The following ECPAS variants were observed in gnomAD, a reference collection of about 807,000 sequenced individuals.
ECPAS encodes Ecm29 proteasome adaptor and scaffold.
ECPAS carries 70 observed loss-of-function variants against 255.1 expected under a neutral mutation model. That is an observed-to-expected ratio of 0.27 (90% CI 0.23 to 0.33). The LOEUF is 0.33. Among genes scored for constraint, ECPAS ranks in the 10% least tolerant of loss-of-function variants. ECPAS has a pLI of 1.00. For synonymous variants in ECPAS, 784 were observed against 775.0 expected, an observed-to-expected ratio of 1.01 and a Z score of -0.19; for missense variants, 1,817 against 2,206.4, an observed-to-expected ratio of 0.82 and a Z score of 3.54.
At chr9:111,438,519 G>A (rs1273570081) in intron 6 of ECPAS, among the ~76,000 whole-genome samples, 1 of 152,096 alleles carries the variant, frequency 6.6e-6, no homozygotes, top group African/African-American at 2.4e-5. Flanking sequence ...GAGGTGAGAG[G>A]ACTGCTTGAA....
rs753254455 is a variant in ECPAS at position 111,410,127 on chromosome 9, T to C, written c.2464A>G (p.Ile822Val). ...GTAAAGCCAGATCCCTCACTGGGGA[T>C]TGGAAGTGGACCATTTCTGCCAATT... is the stretch of plus-strand genomic sequence containing the variant. ...GEIGRNGPLP[I>V]PSEGSGFTKL... Residue 822 changes from isoleucine (I) to valine (V), a missense_variant, in exon 23 of 50, where the codon ATC (isoleucine) becomes GTC (valine). By Grantham distance (29) the Ile-to-Val change is conservative. Around this residue, in one of 4 missense-constraint regions of ECPAS, gnomAD observed 194 missense variants for 152.8 expected, o/e 1.27. Coordinates refer to ENST00000684092, the MANE Select transcript of ECPAS (RefSeq NM_001364929.1). 3.1e-6 allele frequency: 5 copies of C among 1,610,892 alleles called. No homozygotes were observed. The highest frequency in any genetic ancestry group is 2.2e-5 in the South Asian group (2 of 90,088).
chr9:111,398,936 C>CA (rs967283558), intron 24 of ECPAS, among the ~76,000 whole-genome samples: 167 of 137,470 alleles, frequency 1.2e-3, no homozygotes, highest in Middle Eastern at 3.8e-3. Context: ...GACTCCGTCT[C>CA]AAAAAAAAAA....
chr9:111,375,179 T>C lies in ECPAS; in HGVS notation c.4044A>G (p.Ser1348=). 6.2e-7 allele frequency: 1 copy of C among 1,613,696 alleles called. No homozygotes were observed. Among genetic ancestry groups the C allele is most frequent in the Non-Finnish European group, 8.5e-7 (1 of 1,179,692 alleles). Residue 1348 remains serine, a synonymous_variant, in exon 38 of 50, where the codon TCA becomes TCG. Transcript: ENST00000684092. ...ACCTAGGAACTAGCTCGCCCAGCAC[T>C]GACACATCAAGGTATTGCAGGCACT... ...INMCLQYLDV[S]VLGELVPRLC...
chr9:111,386,887 G>A (rs942246553), intron 31 of ECPAS, among the ~76,000 whole-genome samples: 1 of 152,172 alleles, frequency 6.6e-6, no homozygotes, highest in African/African-American at 2.4e-5. Context: ...TCCTTTCCCA[G>A]AGAAGATTAG....
Position 111,406,458 on chromosome 9 carries a change from T to C in ECPAS, c.2652+2113A>G, listed in dbSNP as rs1006172582. ...GTTTGGCAGCACAACAGGGCAACAA[T>C]AGTTAATAAGAATTTATTGTATATT... On this transcript the variant is annotated intron_variant, in intron 24 of 49. Transcript: ENST00000684092. Among the ~76,000 whole-genome samples the C allele has an allele frequency of 3.3e-5, 5 of 149,784 alleles. 1 individual carries two copies. Among genetic ancestry groups the C allele is most frequent in the Middle Eastern group, 3.2e-3 (1 of 316 alleles).
intron 37 of ECPAS, 37 bp from the exon 38 acceptor site, chr9:111,375,239 C>A: frequency 1.3e-6 from 2 of 1,518,324 alleles, no homozygotes; most frequent in Non-Finnish European, 1.8e-6. Context: ...TAAGCCTTGG[C>A]AAATAAGTCA....
At chr9:111,390,870 C>T (rs1345983447) in intron 29 of ECPAS, among the ~76,000 whole-genome samples, 1 of 152,152 alleles carries the variant, frequency 6.6e-6, no homozygotes, top group African/African-American at 2.4e-5. Flanking sequence ...AGAATTACAC[C>T]CACCCAAAAC....
In ECPAS at chr9:111,422,168, G is replaced by A. The variant is rs775656488; in HGVS notation, c.1298C>T (p.Ala433Val). ...GGCTTCAAAAAGCTGCTGCACAAGC[G>A]CTATATCCTTAGTGAATAAATGTGG... ...RMPHLFTKDI[A>V]LVQQLFEALC... The change falls in exon 14 of 50, where the codon GCG (alanine) becomes GTG (valine). Residue 433 changes from alanine (A) to valine (V), a missense_variant. Coordinates refer to ENST00000684092, the MANE Select transcript of ECPAS (RefSeq NM_001364929.1). 127 of 1,613,618 alleles carry A rather than the reference G, an allele frequency of 7.9e-5. No individual in the cohort carries two copies. The highest frequency in any genetic ancestry group is 1.0e-4 in the Non-Finnish European group (121 of 1,179,756).
chr9:111,472,876 T>A, intron 2 of ECPAS, 21 bp downstream of exon 2: 1 of 986,746 alleles, frequency 1.0e-6, no homozygotes, highest in African/African-American at 1.7e-5. Context: ...GCACACATCC[T>A]AAGGAACTAA....
intron 28 of ECPAS, among the ~76,000 whole-genome samples, chr9:111,392,112 C>T (rs539027056): frequency 7.9e-5 from 12 of 152,154 alleles, no homozygotes; most frequent in African/African-American, 2.6e-4. Context: ...TGGTGGCACG[C>T]GCCTGTAGTC....
At chr9:111,402,420 AATACTCTAATACTTTATAGAGTATTC>A (rs1429440837) in intron 24 of ECPAS, among the ~76,000 whole-genome samples, 1 of 152,228 alleles carries the variant, frequency 6.6e-6, no homozygotes, top group African/African-American at 2.4e-5. Flanking sequence ...ACAAATTCAA[AATACTCTAATACTTTATAGAGTATTC>A]TAAAGATACT....
At chr9:111,467,256 AAG>A (rs2098280766) in intron 2 of ECPAS, among the ~76,000 whole-genome samples, 1 of 152,160 alleles carries the variant, frequency 6.6e-6, no homozygotes, top group Non-Finnish European at 1.5e-5. Flanking sequence ...AAGAGAAGAG[AAG>A]AGAGAAGAGA....
At position 111,433,462 on chromosome 9, in the gene ECPAS, A is replaced by G. The variant is rs141796138; in HGVS notation, c.709-90T>C. 1.6e-5 allele frequency: 22 copies of G among 1,394,740 alleles called. No homozygotes were observed. The East Asian group carries it at 4.8e-4, about 31-fold the overall frequency. 86.4% of individuals were successfully genotyped at this position (1,394,740 alleles called of 1,614,324 possible). A position where few individuals can be genotyped will look rare whatever the true frequency, so the allele number is the denominator to read the frequency against. On this transcript the variant is annotated intron_variant, in intron 7 of 49. Coordinates refer to ENST00000684092, the MANE Select transcript of ECPAS (RefSeq NM_001364929.1). ...CTGCTTAACATATCAGTGTGGTCAC[A>G]AGCCAAAGATGAGCAGTAACAACAG...
intron 24 of ECPAS, among the ~76,000 whole-genome samples, chr9:111,408,038 C>T (rs190519398): frequency 3.1e-4 from 47 of 152,326 alleles, no homozygotes; most frequent in African/African-American, 1.1e-3. Context: ...CTTTCAAAAG[C>T]TCAGTGCAAG....
Position 111,430,529 on chromosome 9 carries a change from TA to T in ECPAS, c.930+17del, listed in dbSNP as rs771884205. On this transcript the variant is annotated intron_variant, in intron 9 of 49. Coordinates refer to ENST00000684092, the MANE Select transcript of ECPAS (RefSeq NM_001364929.1). ...ACTACTTTTTACGCTGATGTGAGAA[TA>T]AATCAAAACAACCTACCTCTTTTGT... The T allele has an allele frequency of 6.7e-7, 1 of 1,502,730 alleles. No individual in the cohort carries two copies. The highest frequency in any genetic ancestry group is 1.2e-5 in the South Asian group (1 of 85,354). 93.1% of individuals were successfully genotyped at this position (1,502,730 alleles called of 1,614,324 possible). A position where few individuals can be genotyped will look rare whatever the true frequency, so the allele number is the denominator to read the frequency against.
At chr9:111,438,277 A>C (rs1387252944) in intron 6 of ECPAS, among the ~76,000 whole-genome samples, 2 of 152,230 alleles carry the variant, frequency 1.3e-5, no homozygotes, top group Admixed American at 1.3e-4. Context: ...AGTTATAGCA[A>C]GACTGGTGGC....
chr9:111,384,387 T>C lies in ECPAS; in HGVS notation c.3681+135A>G, dbSNP rs986764417. ...ACAGCACTCACTTTCTCATTCATTCTAAGAGCAGTGAACTACAACATGAAG... is the reference window on the plus strand; with the variant it reads ...ACAGCACTCACTTTCTCATTCATTCCAAGAGCAGTGAACTACAACATGAAG... On this transcript the variant is annotated intron_variant, in intron 34 of 49. Transcript: ENST00000684092. 12 of 731,374 alleles carry C rather than the reference T, an allele frequency of 1.6e-5. No individual in the cohort carries two copies. The Admixed American group carries it at 1.7e-4, about 10-fold the overall frequency. The allele number at this position is 731,374 out of a possible 1,614,324, so 45.3% of individuals were successfully genotyped here. A position where few individuals can be genotyped will look rare whatever the true frequency, so the allele number is the denominator to read the frequency against.
chr9:111,451,614 T>C (rs2098260360), intron 2 of ECPAS, 59 bp from the exon 3 acceptor site: 5 of 1,449,370 alleles, frequency 3.4e-6, no homozygotes, highest in Non-Finnish European at 4.6e-6. Context: ...CCAAGACCAA[T>C]TATTTTTATA....
rs543155985 is a variant in ECPAS, at chr9:111,411,690, A to G, written c.2214+324T>C. 4.2e-5 allele frequency: 9 copies of G among 214,098 alleles called. No individual in the cohort carries two copies. In the South Asian group the frequency reaches 1.4e-3, roughly 33 times the overall value. The allele number at this position is 214,098 out of a possible 1,614,324, so 13.3% of individuals were successfully genotyped here. ...GTACTCATCAGGCCCGACCCTGCTTAGTTTCCAAGATCAGATGAGATTAGG... is the reference window on the plus strand; with the variant it reads ...GTACTCATCAGGCCCGACCCTGCTTGGTTTCCAAGATCAGATGAGATTAGG... On this transcript the variant is annotated intron_variant, in intron 21 of 49. Transcript: ENST00000684092.
Sources: allele counts gnomAD v4.1 joint callset (sites outside exome capture counted in the v4.1 genomes callset), GRCh38; gene constraint gnomAD v4.1.1; regional missense constraint gnomAD v4.1.1; transcripts MANE v1.5; gene names NCBI Gene and HGNC (gene_info 2026-07-23, HGNC 2026-07-21).